The following TAPT1 variants were observed in gnomAD, a reference collection of about 807,000 sequenced individuals.
TAPT1 encodes the protein transmembrane anterior posterior transformation 1, also known as transmembrane anterior posterior transformation protein 1 homolog.
TAPT1 carries 28 observed loss-of-function variants against 65.6 expected under a neutral mutation model. The ratio of observed to expected loss-of-function variants is 0.43; its 90% CI spans 0.32 to 0.59. The LOEUF (loss-of-function observed/expected upper bound fraction) is 0.59. TAPT1 is among the 20% of genes least tolerant of loss of function. The pLI, the probability that TAPT1 is intolerant of heterozygous loss-of-function variation, is 0.09. For synonymous variants in TAPT1, 278 were observed against 245.2 expected, an observed-to-expected ratio of 1.13 and a Z score of -1.25; for missense variants, 563 against 679.9, an observed-to-expected ratio of 0.83 and a Z score of 1.91.
chr4:16,167,560 G>T (rs142261965), intron 12 of TAPT1, among the ~76,000 whole-genome samples: 44 of 152,262 alleles, frequency 2.9e-4, no homozygotes, highest in African/African-American at 1.0e-3. Flanking sequence ...TAGGCGAGTG[G>T]AGTCAGGAGG....
chr4:16,187,546 C>T (rs529231413), intron 5 of TAPT1, among the ~76,000 whole-genome samples: 1 of 151,998 alleles, frequency 6.6e-6, no homozygotes, highest in East Asian at 1.9e-4. Context: ...CAACTTGGTT[C>T]TTTAACTTTC....
rs753771270 is a variant in TAPT1, at chr4:16,191,525, T to A, written c.450-2A>T. ...GCAGGCTGAAGCAAACGTCTGTCCCTGAAACATACAAGAAGTAATAAAAAT... is the reference window on the plus strand; with the variant it reads ...GCAGGCTGAAGCAAACGTCTGTCCCAGAAACATACAAGAAGTAATAAAAAT... On this transcript the variant is annotated splice_acceptor_variant, in intron 3 of 13. Transcript: ENST00000405303. LOFTEE classifies it high-confidence loss of function. The A allele has an allele frequency of 6.4e-7, 1 of 1,553,918 alleles. No individual in the cohort carries two copies. Among genetic ancestry groups the A allele is most frequent in the Non-Finnish European group, 8.7e-7 (1 of 1,148,248 alleles).
chr4:16,223,207 C>T (rs999911241), intron 1 of TAPT1, among the ~76,000 whole-genome samples: 2 of 152,196 alleles, frequency 1.3e-5, no homozygotes, highest in African/African-American at 2.4e-5. Flanking sequence ...ACACAGATTT[C>T]CTAATGCTTA....
intron 2 of TAPT1, among the ~76,000 whole-genome samples, chr4:16,210,988 C>A (rs572149592): frequency 1.5e-4 from 22 of 150,268 alleles, no homozygotes; most frequent in Non-Finnish European, 2.8e-4. Flanking sequence ...TTCATTTTTA[C>A]TAAATGTCAA....
rs112510296 is a variant in TAPT1, at chr4:16,201,506, C to T, written c.449+956G>A. Among the ~76,000 whole-genome samples, 1,007 of 152,172 alleles carry T rather than the reference C, an allele frequency of 6.6e-3. 5 individuals carry two copies. Among genetic ancestry groups the T allele is most frequent in the Middle Eastern group, 0.031 (9 of 294 alleles). On this transcript the variant is annotated intron_variant, in intron 3 of 13. Transcript: ENST00000405303. Reference sequence around the variant, plus strand: ...GTGATGCATGTCAGAAATGTAACCTCGACATCTATGCTAAGAACTCAATAA... The same window carrying T: ...GTGATGCATGTCAGAAATGTAACCTTGACATCTATGCTAAGAACTCAATAA...
At chr4:16,200,792 C>G (rs1242191246) in intron 3 of TAPT1, among the ~76,000 whole-genome samples, 1 of 152,092 alleles carries the variant, frequency 6.6e-6, no homozygotes, top group Non-Finnish European at 1.5e-5. Context: ...ATGAAGCTCC[C>G]AGGAGTGATA....
rs28655185 is a variant in TAPT1, at chr4:16,195,572, T to A, written c.450-4049A>T. Among the ~76,000 whole-genome samples, 479 of 152,362 alleles carry A rather than the reference T, an allele frequency of 3.1e-3. 3 individuals carry two copies. The highest frequency in any genetic ancestry group is 0.011 in the African/African-American group (450 of 41,592). On this transcript the variant is annotated intron_variant, in intron 3 of 13. Transcript: ENST00000405303. ...TAAACAGAATTCTTTTAAAAATTTC[T>A]AGTAAAACCACCCTTACAGAAACCA...
intron 2 of TAPT1, among the ~76,000 whole-genome samples, chr4:16,208,628 T>C (rs75621689): frequency 0.036 from 5,317 of 149,520 alleles, 155 homozygotes; most frequent in Middle Eastern, 0.056. Flanking sequence ...GATGGCAAAA[T>C]AGAAAGATGA....
intron 8 of TAPT1, chr4:16,179,243 C>A: frequency 5.3e-6 from 1 of 188,962 alleles, no homozygotes; most frequent in Non-Finnish European, 1.1e-5. Context: ...GGCTACAAAA[C>A]CTGTACAGCA....
Position 16,162,353 on chromosome 4 carries a change from T to C in TAPT1, c.*955A>G, listed in dbSNP as rs1747307911. 1 of 152,936 alleles carries C rather than the reference T, an allele frequency of 6.5e-6. No homozygotes were observed. Among genetic ancestry groups the C allele is most frequent in the Non-Finnish European group, 1.5e-5 (1 of 68,094 alleles). 9.5% of individuals were successfully genotyped at this position (152,936 alleles called of 1,614,324 possible). A position where few individuals can be genotyped will look rare whatever the true frequency, so the allele number is the denominator to read the frequency against. The stretch of plus-strand genomic sequence containing the variant: ...ATGCATTTGGTAAGCCCAAGCAAGA[T>C]GATGCTGTCTAACACACTTGGAGCA... On this transcript the variant is annotated 3_prime_UTR_variant, in exon 14 of 14. Transcript: ENST00000405303.
intron 8 of TAPT1, among the ~76,000 whole-genome samples, chr4:16,178,006 C>T (rs891042880): frequency 1.3e-5 from 2 of 152,128 alleles, no homozygotes; most frequent in Non-Finnish European, 2.9e-5. Context: ...CTTCAAATAT[C>T]CAGCTGTCTA....
Position 16,162,074 on chromosome 4 carries a change from C to T in TAPT1, c.*1234G>A. 6.6e-6 allele frequency: 1 copy of T among 152,252 alleles called. No homozygotes were observed. Among genetic ancestry groups the T allele is most frequent in the Non-Finnish European group, 1.5e-5 (1 of 68,034 alleles). 9.4% of individuals were successfully genotyped at this position (152,252 alleles called of 1,614,324 possible). ...AATTAAGCGGAAACACAATCTTCATCTCAAATAAAACCAAAAAGCACCTTT... is the reference window on the plus strand; with the variant it reads ...AATTAAGCGGAAACACAATCTTCATTTCAAATAAAACCAAAAAGCACCTTT... On this transcript the variant is annotated 3_prime_UTR_variant, in exon 14 of 14. Transcript: ENST00000405303.
intron 1 of TAPT1, among the ~76,000 whole-genome samples, chr4:16,217,172 C>T (rs1364335801): frequency 1.3e-5 from 2 of 152,180 alleles, no homozygotes; most frequent in Non-Finnish European, 1.5e-5. Context: ...TTCCCCTACT[C>T]GGCTTCCACA....
At chr4:16,194,056 A>G (rs1017599553) in intron 3 of TAPT1, among the ~76,000 whole-genome samples, 2 of 152,204 alleles carry the variant, frequency 1.3e-5, no homozygotes, top group Non-Finnish European at 2.9e-5. Context: ...GTGTTTCTTT[A>G]TATACATATT....
chr4:16,174,571 T>A, intron 10 of TAPT1, 99 bp downstream of exon 10: 1 of 1,123,264 alleles, frequency 8.9e-7, no homozygotes. Flanking sequence ...TTTATGTAGC[T>A]TTCCTTTAGT....
chr4:16,226,524 C>T (rs1453236238), upstream of TAPT1: 5 of 948,934 alleles, frequency 5.3e-6, no homozygotes, highest in African/African-American at 1.8e-5. Context: ...GCCCCCTCCC[C>T]GCCTCGCCCC....
rs772281585 is a variant in TAPT1, at chr4:16,163,181, T to G, written c.*127A>C. ...ATTACTGGAAGAAAGATACTAAGAT[T>G]TGCTTGCCAATAATAATTTAAGTTT... On this transcript the variant is annotated 3_prime_UTR_variant, in exon 14 of 14. Transcript: ENST00000405303. 3 of 744,534 alleles carry G rather than the reference T, an allele frequency of 4.0e-6. No homozygotes were observed. The highest frequency in any genetic ancestry group is 6.8e-6 in the Non-Finnish European group (3 of 440,492). The allele number at this position is 744,534 out of a possible 1,614,324, so 46.1% of individuals were successfully genotyped here. A position where few individuals can be genotyped will look rare whatever the true frequency, so the allele number is the denominator to read the frequency against.
In TAPT1 at chr4:16,222,729, T is replaced by C. The variant is rs74603587; in HGVS notation, c.199+3530A>G. ...CAGTTGACTTTTCTGGGTTTCATTC[T>C]TCCTGCCTCTGCTCAATCTCTAACA... On this transcript the variant is annotated intron_variant, in intron 1 of 13. Coordinates refer to ENST00000405303, the MANE Select transcript of TAPT1 (RefSeq NM_153365.3). Among the ~76,000 whole-genome samples the C allele has an allele frequency of 8.6e-3, 1,312 of 152,334 alleles. 12 individuals carry two copies. The highest frequency in any genetic ancestry group is 0.03 in the African/African-American group (1,257 of 41,556).
At chr4:16,174,619 T>A (rs1748210447) in intron 10 of TAPT1, 51 bp downstream of exon 10, 1 of 1,464,720 alleles carries the variant, frequency 6.8e-7, no homozygotes, top group South Asian at 1.3e-5. Flanking sequence ...TTCAGTTAAT[T>A]TCAGACTATG....
Sources: gnomAD v4.1 joint callset for allele counts (sites outside exome capture counted in the v4.1 genomes callset) on GRCh38, gnomAD v4.1.1 for gene constraint, MANE v1.5 for transcripts, NCBI Gene and HGNC (gene_info 2026-07-23, HGNC 2026-07-21) for gene names.